The following ADGRL2 variants were observed in gnomAD, a reference collection of about 807,000 sequenced individuals.
The protein encoded by ADGRL2 is calcium-independent alpha-latrotoxin receptor 2.
ADGRL2 carries 44 observed loss-of-function variants against 157.4 expected under a neutral mutation model. That is an observed-to-expected ratio of 0.28 (90% CI 0.22 to 0.36). ADGRL2 has a LOEUF of 0.36. ADGRL2 is among the 10% of genes least tolerant of loss of function. The pLI is 1.00. For missense variants in ADGRL2, 1,510 were observed against 1,768.9 expected (o/e 0.85, Z 2.63); for synonymous variants, 585 against 624.7 (o/e 0.94, Z 0.95).
chr1:81,903,042 T>C (rs1168473542), intron 2 of ADGRL2, among the ~76,000 whole-genome samples: 1 of 152,216 alleles, frequency 6.6e-6, no homozygotes, highest in East Asian at 1.9e-4. Context: ...TAAAAGGAGC[T>C]TGCCTGTTTA....
At chr1:81,749,703 C>G (rs1047908763) in intron 1 of ADGRL2, among the ~76,000 whole-genome samples, 1 of 152,086 alleles carries the variant, frequency 6.6e-6, no homozygotes, top group African/African-American at 2.4e-5. Flanking sequence ...TCTAAAATGT[C>G]TGTAGTTAGC....
intron 1 of ADGRL2, among the ~76,000 whole-genome samples, chr1:81,405,779 TC>T (rs2076843579): frequency 6.6e-6 from 1 of 151,824 alleles, no homozygotes; most frequent in Admixed American, 6.6e-5. Flanking sequence ...TCTCCACACC[TC>T]CCCCAAAAAA....
chr1:81,600,215 T>C (rs1370571790), intron 3 of ADGRL2, among the ~76,000 whole-genome samples: 1 of 152,230 alleles, frequency 6.6e-6, no homozygotes, highest in African/African-American at 2.4e-5. Context: ...AAGGCACATG[T>C]GCAAGTAAGT....
intron 1 of ADGRL2, among the ~76,000 whole-genome samples, chr1:81,326,384 TA>T (rs1660902339): frequency 6.6e-6 from 1 of 152,210 alleles, no homozygotes; most frequent in Non-Finnish European, 1.5e-5. Context: ...GACTGATTAA[TA>T]AGTTGGTTCA....
chr1:81,934,875 G>A (rs920924204), intron 3 of ADGRL2, among the ~76,000 whole-genome samples: 1 of 151,846 alleles, frequency 6.6e-6, no homozygotes, highest in African/African-American at 2.4e-5. Context: ...ATCACTGTAG[G>A]TATGAATAAA....
At chr1:81,590,186 T>A (rs1334227060) in intron 3 of ADGRL2, among the ~76,000 whole-genome samples, 1 of 152,132 alleles carries the variant, frequency 6.6e-6, no homozygotes, top group Non-Finnish European at 1.5e-5. Context: ...TCTCCGTCAG[T>A]CAATAGTTTC....
At chr1:81,379,911 C>T (rs1044095064) in intron 1 of ADGRL2, among the ~76,000 whole-genome samples, 1 of 152,196 alleles carries the variant, frequency 6.6e-6, no homozygotes, top group Admixed American at 6.5e-5. Context: ...TCACCTAGGT[C>T]CGTGGGGGTA....
intron 2 of ADGRL2, among the ~76,000 whole-genome samples, chr1:81,769,660 C>T (rs2086273728): frequency 6.6e-6 from 1 of 151,792 alleles, no homozygotes; most frequent in African/African-American, 2.4e-5. Flanking sequence ...CTATCATGGC[C>T]TTTTTCTCTT....
intron 1 of ADGRL2, among the ~76,000 whole-genome samples, chr1:81,835,222 A>G (rs570165781): frequency 6.6e-6 from 1 of 152,222 alleles, no homozygotes; most frequent in East Asian, 1.9e-4. Flanking sequence ...TGGACAGTAA[A>G]AATTCTTTGC....
chr1:81,618,006 A>G (rs1024584489), intron 3 of ADGRL2, among the ~76,000 whole-genome samples: 3 of 152,082 alleles, frequency 2.0e-5, no homozygotes, highest in African/African-American at 7.2e-5. Flanking sequence ...TTTGTTTTCA[A>G]TTGCTGAATT....
intron 2 of ADGRL2, among the ~76,000 whole-genome samples, chr1:81,480,732 T>G (rs965227752): frequency 6.6e-6 from 1 of 152,234 alleles, no homozygotes; most frequent in African/African-American, 2.4e-5. Flanking sequence ...AACAATGAGT[T>G]ATCTGATGTC....
chr1:81,970,065 A>C (rs1417653669), intron 15 of ADGRL2, among the ~76,000 whole-genome samples: 7 of 152,142 alleles, frequency 4.6e-5, no homozygotes, highest in Non-Finnish European at 1.0e-4. Flanking sequence ...ATGTTATAGT[A>C]ATGTTCTTCC....
intron 20 of ADGRL2, 92 bp downstream of exon 20, chr1:81,984,803 A>C: frequency 7.7e-5 from 103 of 1,345,804 alleles, no homozygotes; most frequent in Non-Finnish European, 9.7e-5. Context: ...TTGTCTTCTC[A>C]TTATAATGAT....
At chr1:81,693,444 C>T (rs2083382503) in intron 3 of ADGRL2, among the ~76,000 whole-genome samples, 1 of 152,202 alleles carries the variant, frequency 6.6e-6, no homozygotes, top group East Asian at 1.9e-4. Context: ...TAGGCTAATG[C>T]ATTCGTCTGC....
intron 2 of ADGRL2, among the ~76,000 whole-genome samples, chr1:81,901,234 C>T (rs1436181123): frequency 6.6e-6 from 1 of 151,896 alleles, no homozygotes; most frequent in Non-Finnish European, 1.5e-5. Context: ...CCAGCTATTA[C>T]AAATACGTTC....
At chr1:81,657,663 T>C (rs768513700) in intron 3 of ADGRL2, among the ~76,000 whole-genome samples, 59 of 152,192 alleles carry the variant, frequency 3.9e-4, no homozygotes, top group Non-Finnish European at 7.9e-4. Flanking sequence ...TTTAGAAGTA[T>C]TACTATGGAA....
At chr1:81,326,004 C>CA (rs1167106463) in intron 1 of ADGRL2, among the ~76,000 whole-genome samples, 3 of 151,840 alleles carry the variant, frequency 2.0e-5, no homozygotes, top group Non-Finnish European at 4.4e-5. Context: ...TCAATTTTTC[C>CA]AAAAAAACAA....
intron 1 of ADGRL2, among the ~76,000 whole-genome samples, chr1:81,812,464 C>T (rs573018667): frequency 4.6e-5 from 7 of 151,500 alleles, no homozygotes; most frequent in Non-Finnish European, 8.9e-5. Flanking sequence ...TACAAATGTG[C>T]CTTATTATAT....
chr1:81,459,200 T>C (rs1284307069), intron 2 of ADGRL2, among the ~76,000 whole-genome samples: 1 of 152,218 alleles, frequency 6.6e-6, no homozygotes, highest in Non-Finnish European at 1.5e-5. Context: ...TTGTGGACTC[T>C]ATCCAGAACT....
Sources: allele counts gnomAD v4.1 joint callset (sites outside exome capture counted in the v4.1 genomes callset), GRCh38; gene constraint gnomAD v4.1.1; transcripts MANE v1.5; gene names NCBI Gene and HGNC (gene_info 2026-07-23, HGNC 2026-07-21).